Variants in PTPRZ1 observed in about 807,000 individuals in gnomAD.
PTPRZ1 encodes the protein protein tyrosine phosphatase receptor type Z1, also known as receptor-type tyrosine-protein phosphatase zeta.
A neutral mutation model predicts 214.1 loss-of-function variants in PTPRZ1; 82 were observed. That is an observed-to-expected ratio of 0.38 (90% CI 0.32 to 0.46). The LOEUF is 0.46. Ranked by LOEUF, PTPRZ1 falls within the 20% of genes least tolerant of loss-of-function variation. PTPRZ1 has a pLI of 1.00. For missense variants in PTPRZ1, 2,603 were observed against 2,748.7 expected (o/e 0.95, Z 1.19); for synonymous variants, 945 against 987.9 (o/e 0.96, Z 0.81).
chr7:121,909,728 A>G (rs944484213), intron 1 of PTPRZ1, among the ~76,000 whole-genome samples: 3 of 152,190 alleles, frequency 2.0e-5, no homozygotes, highest in Admixed American at 2.0e-4. Context: ...ATACTTATAC[A>G]TGAAAGTAAA....
chr7:122,035,429 G>C (rs1026708956), intron 17 of PTPRZ1, among the ~76,000 whole-genome samples: 18 of 152,158 alleles, frequency 1.2e-4, no homozygotes, highest in African/African-American at 4.3e-4. Context: ...AAGCTAAATA[G>C]AACATACGCA....
chr7:121,974,949 G>A (rs1797383349), intron 4 of PTPRZ1, among the ~76,000 whole-genome samples: 1 of 152,168 alleles, frequency 6.6e-6, no homozygotes, highest in African/African-American at 2.4e-5. Flanking sequence ...ACTTTAGGAG[G>A]CTGAGGCTGG....
At chr7:121,983,244 T>A (rs1797667531) in intron 6 of PTPRZ1, among the ~76,000 whole-genome samples, 1 of 152,206 alleles carries the variant, frequency 6.6e-6, no homozygotes. Flanking sequence ...TCATTCTTGA[T>A]CTCTAGGGGA....
chr7:122,044,546 C>A lies in PTPRZ1; in HGVS notation c.6062C>A (p.Thr2021Lys), dbSNP rs1799825220. Reference protein sequence around the residue: ...ALLIPGPAGKTKLEKQFQLLS... With the variant: ...ALLIPGPAGKKKLEKQFQLLS... ...CTCATTCCTGGACCAGCAGGCAAAA[C>A]AAAGCTAGAGAAACAATTCCAGGTG... is the stretch of plus-strand genomic sequence containing the variant. The change falls in exon 23 of 30, where the codon ACA (threonine) becomes AAA (lysine). Residue 2021 changes from threonine to lysine, a missense_variant. Thr to Lys is a moderately conservative substitution (Grantham distance 78). This residue lies in a region of PTPRZ1 where 1,913 missense variants were observed against 1,914.3 expected (regional missense o/e 1.00). Transcript: ENST00000393386. The A allele has an allele frequency of 6.2e-7, 1 of 1,613,556 alleles. No individual in the cohort carries two copies. Among genetic ancestry groups the A allele is most frequent in the Non-Finnish European group, 8.5e-7 (1 of 1,179,724 alleles).
intron 2 of PTPRZ1, among the ~76,000 whole-genome samples, chr7:121,967,476 A>G (rs1797079268): frequency 2.0e-5 from 3 of 152,170 alleles, no homozygotes; most frequent in Non-Finnish European, 4.4e-5. Context: ...TTACTCCTAT[A>G]TCTGGATTCC....
intron 22 of PTPRZ1, among the ~76,000 whole-genome samples, chr7:122,043,412 T>TA (rs963068252): frequency 6.6e-6 from 1 of 152,160 alleles, no homozygotes; most frequent in Non-Finnish European, 1.5e-5. Flanking sequence ...ATTCATTTTT[T>TA]AAAAAAATAT....
intron 1 of PTPRZ1, among the ~76,000 whole-genome samples, chr7:121,888,946 A>C (rs1342786177): frequency 6.6e-6 from 1 of 152,160 alleles, no homozygotes; most frequent in Admixed American, 6.6e-5. Context: ...ATAAGGAATG[A>C]TTAAGGCTTC....
At chr7:121,997,306 A>T (rs1798172633) in intron 9 of PTPRZ1, among the ~76,000 whole-genome samples, 1 of 152,184 alleles carries the variant, frequency 6.6e-6, no homozygotes, top group South Asian at 2.1e-4. Flanking sequence ...TTAAATAAAA[A>T]TGCACTATTA....
chr7:121,876,360 C>T (rs1322769978), intron 1 of PTPRZ1, among the ~76,000 whole-genome samples: 1 of 152,114 alleles, frequency 6.6e-6, no homozygotes, highest in Non-Finnish European at 1.5e-5. Flanking sequence ...AATTCAGGAT[C>T]TTTGAATTAA....
intron 6 of PTPRZ1, among the ~76,000 whole-genome samples, chr7:121,979,223 C>A (rs1173001523): frequency 6.6e-6 from 1 of 152,110 alleles, no homozygotes; most frequent in Non-Finnish European, 1.5e-5. Context: ...TCCCTCCCAT[C>A]CACCATACCT....
At position 121,873,231 on chromosome 7, in the gene PTPRZ1, G is replaced by A; in HGVS notation, c.-269G>A. The A allele has an allele frequency of 2.4e-6, 1 of 424,914 alleles. No homozygotes were observed. 26.3% of individuals were successfully genotyped at this position (424,914 alleles called of 1,614,324 possible). A position where few individuals can be genotyped will look rare whatever the true frequency, so the allele number is the denominator to read the frequency against. ...CCGGAGGACATGCGCCTCGGCTAGC[G>A]GCCCCGGGCCCCACCACCGTGCGGC... On this transcript the variant is annotated 5_prime_UTR_variant, in exon 1 of 30. Transcript: ENST00000393386.
chr7:122,013,964 A>G, intron 12 of PTPRZ1, 75 bp downstream of exon 12: 2 of 1,307,048 alleles, frequency 1.5e-6, no homozygotes, highest in Non-Finnish European at 2.1e-6. Flanking sequence ...AAATTATAGA[A>G]AGATAGAAAT....
chr7:122,011,498 C>A lies in PTPRZ1; in HGVS notation c.2452C>A (p.Pro818Thr), dbSNP rs1441606268. 6.2e-7 allele frequency: 1 copy of A among 1,613,786 alleles called. No homozygotes were observed. Among genetic ancestry groups the A allele is most frequent in the East Asian group, 2.2e-5 (1 of 44,886 alleles). ...CATCCTGTCTTCCTATGATGGTGCA[C>A]CTTTGCTTCCATTTTCCTCTGCTTC... ...ESILSSYDGA[P>T]LLPFSSASFS... Residue 818 changes from proline (P) to threonine (T), a missense_variant, in exon 12 of 30, where the codon CCT (proline) becomes ACT (threonine). Pro to Thr is a conservative substitution (Grantham distance 38, BLOSUM62 -1). Around this residue, in one of 6 missense-constraint regions of PTPRZ1, gnomAD observed 1,913 missense variants for 1,914.3 expected, o/e 1.00. Transcript: ENST00000393386.
intron 11 of PTPRZ1, among the ~76,000 whole-genome samples, chr7:122,009,833 C>T (rs1358678594): frequency 6.6e-6 from 1 of 152,076 alleles, no homozygotes; most frequent in Non-Finnish European, 1.5e-5. Flanking sequence ...AGTTCTAAAT[C>T]TTCCCCTTAT....
chr7:121,928,070 A>G (rs925772973), intron 1 of PTPRZ1, 86 bp from the exon 2 acceptor site: 27 of 946,618 alleles, frequency 2.9e-5, no homozygotes, highest in Middle Eastern at 2.4e-4. Flanking sequence ...ATCAAGAACT[A>G]TTTATGGTAT....
At chr7:121,909,115 C>T (rs1795198936) in intron 1 of PTPRZ1, among the ~76,000 whole-genome samples, 2 of 152,092 alleles carry the variant, frequency 1.3e-5, no homozygotes, top group South Asian at 4.1e-4. Flanking sequence ...ACAATACATG[C>T]CTTAAAAAAC....
chr7:121,991,713 T>C lies in PTPRZ1; in HGVS notation c.929-4669T>C, dbSNP rs1797968508. ...AATTGAACTGTTGATGAAGTCACTC[T>C]GGGTCCCTAAAGACTGAGTGAAAGA... On this transcript the variant is annotated intron_variant, in intron 8 of 29. Coordinates refer to ENST00000393386, the MANE Select transcript of PTPRZ1 (RefSeq NM_002851.3). Among the ~76,000 whole-genome samples the C allele has an allele frequency of 1.3e-5, 2 of 152,240 alleles. 1 individual carries two copies. The highest frequency in any genetic ancestry group is 4.8e-5 in the African/African-American group (2 of 41,476).
rs1459445311 is a variant in PTPRZ1 at position 122,012,782 on chromosome 7, G to T, written c.3736G>T (p.Val1246Leu). Residue 1246 changes from valine to leucine, a missense_variant, in exon 12 of 30, where the codon GTG becomes TTG. Physicochemically the swap from Val to Leu is conservative, Grantham distance 32. Coordinates refer to ENST00000393386, the MANE Select transcript of PTPRZ1 (RefSeq NM_002851.3). ...CTCTACATCTGTACCAGTTTTTGAT[G>T]TGTCGCCTACTTCTCATATGCACTC... Reference protein sequence around the residue: ...LHSTSVPVFDVSPTSHMHSAS... With the variant: ...LHSTSVPVFDLSPTSHMHSAS... 1 of 1,611,540 alleles carries T rather than the reference G, an allele frequency of 6.2e-7. No individual in the cohort carries two copies. The highest frequency in any genetic ancestry group is 8.5e-7 in the Non-Finnish European group (1 of 1,177,860).
At position 121,976,872 on chromosome 7, in the gene PTPRZ1, T is replaced by G. The variant is rs749347755; in HGVS notation, c.619+21T>G. ...TTTTGGTAAGCTACTTGGGGAACTATCTTTCTTCAGGATTCTGCTTTGGAT... is the reference window on the plus strand; with the variant it reads ...TTTTGGTAAGCTACTTGGGGAACTAGCTTTCTTCAGGATTCTGCTTTGGAT... On this transcript the variant is annotated intron_variant, in intron 6 of 29. Coordinates refer to ENST00000393386, the MANE Select transcript of PTPRZ1 (RefSeq NM_002851.3). 5.3e-5 allele frequency: 85 copies of G among 1,600,000 alleles called. 1 individual carries two copies. Among genetic ancestry groups the G allele is most frequent in the Non-Finnish European group, 6.7e-5 (78 of 1,170,460 alleles).
Sources: gnomAD v4.1 joint callset for allele counts (sites outside exome capture counted in the v4.1 genomes callset) on GRCh38, gnomAD v4.1.1 for gene constraint, gnomAD v4.1.1 regional missense constraint, MANE v1.5 for transcripts, NCBI Gene and HGNC (gene_info 2026-07-23, HGNC 2026-07-21) for gene names.